The following MED13 variants were observed in gnomAD, a reference collection of about 807,000 sequenced individuals.
MED13 encodes the protein mediator complex subunit 13.
MED13 carries 23 observed loss-of-function variants against 225.2 expected under a neutral mutation model. The ratio of observed to expected loss-of-function variants is 0.10; its 90% CI spans 0.07 to 0.14. MED13 has a LOEUF of 0.14. Ranked by LOEUF, MED13 falls within the 10% of genes least tolerant of loss-of-function variation. MED13 has a pLI of 1.00. For synonymous variants in MED13, 942 were observed against 889.2 expected, an observed-to-expected ratio of 1.06 and a Z score of -1.06; for missense variants, 2,197 against 2,594.5, an observed-to-expected ratio of 0.85 and a Z score of 3.33.
intron 16 of MED13, among the ~76,000 whole-genome samples, chr17:61,976,659 G>C (rs896627258): frequency 1.3e-5 from 2 of 152,178 alleles, no homozygotes; most frequent in African/African-American, 4.8e-5. Flanking sequence ...TACTGGCTGG[G>C]TGCGGTGGCT....
chr17:61,997,092 A>G (rs561544893), intron 9 of MED13, among the ~76,000 whole-genome samples: 1 of 152,322 alleles, frequency 6.6e-6, no homozygotes, highest in African/African-American at 2.4e-5. Context: ...TCTGGTAGCA[A>G]TGAAGGTATT....
chr17:62,026,246 CTAAA>C (rs2080700660), intron 8 of MED13, among the ~76,000 whole-genome samples: 1 of 152,144 alleles, frequency 6.6e-6, no homozygotes, highest in Admixed American at 6.5e-5. Context: ...CCTTTATAAA[CTAAA>C]TAAATTTCTA....
At position 61,968,267 on chromosome 17, in the gene MED13, G is replaced by A. The variant is rs760763622; in HGVS notation, c.3968-9C>T. Reference sequence around the variant, plus strand: ...TGGGGATTCATCAGTTCCTAAATAAGAAAGATGTATTTTAAGAAAACACTT... The same window carrying A: ...TGGGGATTCATCAGTTCCTAAATAAAAAAGATGTATTTTAAGAAAACACTT... On this transcript the variant is annotated splice_polypyrimidine_tract_variant and intron_variant, in intron 17 of 29. Coordinates refer to ENST00000397786, the MANE Select transcript of MED13 (RefSeq NM_005121.3). 18 of 1,578,776 alleles carry A rather than the reference G, an allele frequency of 1.1e-5. No homozygotes were observed. Among genetic ancestry groups the A allele is most frequent in the Non-Finnish European group, 1.5e-5 (17 of 1,157,312 alleles).
In MED13 at chr17:62,014,475, C is replaced by A. The variant is rs538831165; in HGVS notation, c.1284-3242G>T. Reference sequence around the variant, plus strand: ...GGGATTACAGGTGCCCGCCACCACACTGGGCTGATTTTTGTATTTTCAGTA... The same window carrying A: ...GGGATTACAGGTGCCCGCCACCACAATGGGCTGATTTTTGTATTTTCAGTA... On this transcript the variant is annotated intron_variant, in intron 8 of 29. Transcript: ENST00000397786. Among the ~76,000 whole-genome samples, 318 of 152,188 alleles carry A rather than the reference C, an allele frequency of 2.1e-3. 2 individuals carry two copies. The highest frequency in any genetic ancestry group is 7.5e-3 in the African/African-American group (311 of 41,496).
At chr17:61,971,817 C>T (rs865931620) in intron 17 of MED13, among the ~76,000 whole-genome samples, 39 of 151,810 alleles carry the variant, frequency 2.6e-4, no homozygotes, top group Non-Finnish European at 4.3e-4. Context: ...ACCCATACTC[C>T]CAGCTGTTCG....
At chr17:61,979,562 G>A (rs1373950252) in intron 16 of MED13, among the ~76,000 whole-genome samples, 3 of 151,992 alleles carry the variant, frequency 2.0e-5, no homozygotes, top group Non-Finnish European at 4.4e-5. Flanking sequence ...GCCTGCCTCA[G>A]CCTCCCAAAT....
At chr17:61,962,292 A>C (rs1372613952) in intron 21 of MED13, among the ~76,000 whole-genome samples, 1 of 152,202 alleles carries the variant, frequency 6.6e-6, no homozygotes, top group Non-Finnish European at 1.5e-5. Context: ...CTCAGAAAAA[A>C]AACAACAACA....
At chr17:61,989,691 G>C (rs1054883656) in intron 11 of MED13, among the ~76,000 whole-genome samples, 1 of 152,156 alleles carries the variant, frequency 6.6e-6, no homozygotes. Context: ...AGGTGGTCTT[G>C]AACTCCTGGC....
chr17:62,041,651 A>C (rs2080853834), intron 3 of MED13, among the ~76,000 whole-genome samples: 1 of 151,958 alleles, frequency 6.6e-6, no homozygotes, highest in South Asian at 2.1e-4. Context: ...ATCAGAATTC[A>C]CTGCAGCTTC....
At position 61,961,110 on chromosome 17, in the gene MED13, G is replaced by A; in HGVS notation, c.5257-20C>T. The A allele has an allele frequency of 1.3e-6, 2 of 1,540,830 alleles. No individual in the cohort carries two copies. The highest frequency in any genetic ancestry group is 8.9e-7 in the Non-Finnish European group (1 of 1,119,078). On this transcript the variant is annotated intron_variant, in intron 22 of 29. Coordinates refer to ENST00000397786, the MANE Select transcript of MED13 (RefSeq NM_005121.3). ...TGGTCTCTATAAAATAAAAAATTAAGGTATTATCATACTATACAATCTTAG... is the reference window on the plus strand; with the variant it reads ...TGGTCTCTATAAAATAAAAAATTAAAGTATTATCATACTATACAATCTTAG...
intron 3 of MED13, among the ~76,000 whole-genome samples, chr17:62,039,753 G>A (rs183396013): frequency 1.3e-5 from 2 of 152,014 alleles, no homozygotes; most frequent in Admixed American, 6.6e-5. Context: ...CACTGCGTCC[G>A]GCTAGTTTTT....
chr17:62,059,785 T>C (rs967378640), intron 2 of MED13, among the ~76,000 whole-genome samples: 1 of 152,176 alleles, frequency 6.6e-6, no homozygotes, highest in Non-Finnish European at 1.5e-5. Flanking sequence ...GAAAAAACCT[T>C]ATTATGCTTT....
intron 17 of MED13, among the ~76,000 whole-genome samples, chr17:61,969,132 G>A (rs1030538793): frequency 6.6e-6 from 1 of 152,168 alleles, no homozygotes; most frequent in Non-Finnish European, 1.5e-5. Flanking sequence ...GAGGTGGGCA[G>A]ATCACCTGAG....
chr17:62,017,219 T>TAAAAAAAAAAAAAAAAAAAAAAAAGAAAA (rs555881211), intron 8 of MED13, among the ~76,000 whole-genome samples: 1 of 84,244 alleles, frequency 1.2e-5, no homozygotes, highest in African/African-American at 4.5e-5. Flanking sequence ...ACTAAAATGC[T>TAAAAAAAAAAAAAAAAAAAAAAAAGAAAA]AAAAAAAAAA....
intron 8 of MED13, among the ~76,000 whole-genome samples, chr17:62,015,940 ATATATATATATATATTTT>A (rs2080569496): frequency 1.0e-4 from 1 of 9,636 alleles, no homozygotes. Context: ...ATATATATAT[ATATATATATATATATTTT>A]TTTTTTTTTT....
At chr17:61,997,821 T>G (rs903794167) in intron 9 of MED13, among the ~76,000 whole-genome samples, 1 of 152,108 alleles carries the variant, frequency 6.6e-6, no homozygotes, top group Admixed American at 6.6e-5. Context: ...CTGGCAGAAG[T>G]ATAAAAACCT....
At chr17:61,955,288 T>C (rs2079932687) in intron 26 of MED13, 94 bp downstream of exon 26, 1 of 1,087,296 alleles carries the variant, frequency 9.2e-7, no homozygotes, top group African/African-American at 1.6e-5. Context: ...CATTTTTTGG[T>C]AAAACAAGGT....
Position 61,987,138 on chromosome 17 carries a change from T to C in MED13, c.2264-10A>G, listed in dbSNP as rs762468458. ...GTAGGGCGTGGAGCATCTACAAAAG[T>C]CAATCAGAAAAATAAAATTAAAACT... is the stretch of plus-strand genomic sequence containing the variant. On this transcript the variant is annotated splice_polypyrimidine_tract_variant and intron_variant, in intron 11 of 29. Transcript: ENST00000397786. The C allele has an allele frequency of 2.0e-5, 31 of 1,580,112 alleles. No homozygotes were observed. The highest frequency in any genetic ancestry group is 2.7e-5 in the Non-Finnish European group (31 of 1,167,092).
intron 8 of MED13, among the ~76,000 whole-genome samples, chr17:62,025,782 T>C (rs1398728870): frequency 6.6e-6 from 1 of 152,232 alleles, no homozygotes; most frequent in East Asian, 1.9e-4. Context: ...TCAGATTAGG[T>C]GTGGTTTTTT....
Sources: gnomAD v4.1 joint callset for allele counts (sites outside exome capture counted in the v4.1 genomes callset) on GRCh38, gnomAD v4.1.1 for gene constraint, MANE v1.5 for transcripts, NCBI Gene and HGNC (gene_info 2026-07-23, HGNC 2026-07-21) for gene names.